Variants in TXLNG observed in about 807,000 individuals in gnomAD.
TXLNG encodes the protein gamma-taxilin.
In TXLNG, 5 loss-of-function variants were observed where a neutral mutation model predicts 38.8. The observed-to-expected ratio is 0.13, with a 90% CI of 0.07 to 0.27. The LOEUF (loss-of-function observed/expected upper bound fraction) is 0.27. TXLNG is among the 10% of genes least tolerant of loss of function. TXLNG has a pLI of 1.00. For missense variants in TXLNG, 393 were observed against 398.2 expected (o/e 0.99, Z 0.11); for synonymous variants, 182 against 158.2 (o/e 1.15, Z -1.13).
chrX:16,840,653 T>C (rs4828533), intron 9 of TXLNG: 57,930 of 121,511 alleles, frequency 0.48, 10,530 homozygotes, highest in East Asian at 0.84. Flanking sequence ...GTGCCTGTAG[T>C]CCCAGCTACC....
At chrX:16,818,964 A>T (rs1004865046) in intron 2 of TXLNG, 87 bp downstream of exon 2, 4 of 986,566 alleles carry the variant, frequency 4.1e-6, no homozygotes, top group African/African-American at 1.9e-5. Context: ...GAACACAGCC[A>T]CTTTAGAGGT....
At chrX:16,827,952 T>C in intron 3 of TXLNG, 142 bp from the exon 4 acceptor site, 1 of 484,903 alleles carries the variant, frequency 2.1e-6, no homozygotes, top group East Asian at 4.1e-5. Context: ...CAGTGTAGCA[T>C]GGCATGAAAC....
intron 1 of TXLNG, among the ~76,000 whole-genome samples, chrX:16,811,070 C>T (rs1602373260): frequency 8.9e-6 from 1 of 111,858 alleles, no homozygotes; most frequent in Non-Finnish European, 1.9e-5. Flanking sequence ...GTATGCTCCC[C>T]ATCAGTTGGC....
At chrX:16,789,985 A>T (rs1222132433) in intron 1 of TXLNG, among the ~76,000 whole-genome samples, 2 of 109,785 alleles carry the variant, frequency 1.8e-5, no homozygotes, top group Non-Finnish European at 3.8e-5. Context: ...TTTAGTAGAG[A>T]CGGGGTTTCT....
rs180815073 is a variant in TXLNG, at chrX:16,796,651, C to G, written c.102+10062C>G. Among the ~76,000 whole-genome samples the G allele has an allele frequency of 2.7e-5, 3 of 111,514 alleles. No homozygotes were observed. The East Asian group carries it at 8.5e-4, about 32-fold the overall frequency. On this transcript the variant is annotated intron_variant, in intron 1 of 9. Coordinates refer to ENST00000380122, the MANE Select transcript of TXLNG (RefSeq NM_018360.3). The stretch of plus-strand genomic sequence containing the variant: ...ACTTAACAAAAAGGGGGAAAGATGC[C>G]TATTTGTTAGGTGTAGTTGAATAAG...
chrX:16,811,466 C>T (rs370003985), intron 1 of TXLNG, among the ~76,000 whole-genome samples: 88 of 110,884 alleles, frequency 7.9e-4, no homozygotes, highest in African/African-American at 2.8e-3. Flanking sequence ...AAGCAATTCT[C>T]TGGCCTCAGC....
intron 1 of TXLNG, among the ~76,000 whole-genome samples, chrX:16,802,659 T>C (rs1454219389): frequency 9.0e-6 from 1 of 111,345 alleles, no homozygotes; most frequent in African/African-American, 3.3e-5. Flanking sequence ...GATTCTGAGC[T>C]TGCGTTAGTA....
At chrX:16,827,513 G>A (rs1929213280) in intron 3 of TXLNG, among the ~76,000 whole-genome samples, 1 of 111,678 alleles carries the variant, frequency 9.0e-6, no homozygotes, top group African/African-American at 3.3e-5. Context: ...CAGTTGAAGG[G>A]CATCATCCTT....
In TXLNG at chrX:16,841,915, G is replaced by C. The variant is rs1439246480; in HGVS notation, c.*149G>C. The C allele has an allele frequency of 3.2e-6, 2 of 632,968 alleles. No homozygotes were observed. Among genetic ancestry groups the C allele is most frequent in the Admixed American group, 7.9e-5 (2 of 25,389 alleles). The allele number at this position is 632,968 out of a possible 1,213,427, so 52.2% of individuals were successfully genotyped here. ...ACTACTGGACTTATGTGGTACAGGA[G>C]GCTGCTTAGCAGTTTTGAATAGTTT... is the stretch of plus-strand genomic sequence containing the variant. On this transcript the variant is annotated 3_prime_UTR_variant, in exon 10 of 10. Coordinates refer to ENST00000380122, the MANE Select transcript of TXLNG (RefSeq NM_018360.3).
At chrX:16,805,655 A>G (rs1928309358) in intron 1 of TXLNG, among the ~76,000 whole-genome samples, 1 of 112,197 alleles carries the variant, frequency 8.9e-6, no homozygotes, top group Non-Finnish European at 1.9e-5. Flanking sequence ...AATGTAGTAA[A>G]TTCCCATGTA....
In TXLNG at chrX:16,809,634, G is replaced by A. The variant is rs151043908; in HGVS notation, c.103-8940G>A. ...TCTAGGATTACAGGTGTGAGCCACC[G>A]CACCAGGCCAAGATATTTTCTTCCA... On this transcript the variant is annotated intron_variant, in intron 1 of 9. Coordinates refer to ENST00000380122, the MANE Select transcript of TXLNG (RefSeq NM_018360.3). 6.3e-3 allele frequency among the ~76,000 whole-genome samples: 694 copies of A among 110,539 alleles called. 7 individuals are homozygous for A. Among genetic ancestry groups the A allele is most frequent in the African/African-American group, 0.022 (667 of 30,397 alleles).
chrX:16,791,541 T>C (rs1927705236), intron 1 of TXLNG, among the ~76,000 whole-genome samples: 1 of 112,517 alleles, frequency 8.9e-6, no homozygotes, highest in Non-Finnish European at 1.9e-5. Flanking sequence ...TCATATTATG[T>C]CATATTTATT....
chrX:16,791,340 C>G (rs1297802337), intron 1 of TXLNG, among the ~76,000 whole-genome samples: 1 of 101,395 alleles, frequency 9.9e-6, no homozygotes, highest in Admixed American at 1.1e-4. Flanking sequence ...GATGAACTTC[C>G]ACTCTTCTGG....
intron 1 of TXLNG, among the ~76,000 whole-genome samples, chrX:16,802,649 G>C (rs996478237): frequency 9.0e-6 from 1 of 111,216 alleles, no homozygotes; most frequent in African/African-American, 3.3e-5. Context: ...GCTGTGTTCA[G>C]ATTCTGAGCT....
intron 1 of TXLNG, among the ~76,000 whole-genome samples, chrX:16,804,797 T>C (rs1241861616): frequency 9.2e-6 from 1 of 109,088 alleles, no homozygotes; most frequent in African/African-American, 3.3e-5. Context: ...GGATACATTA[T>C]GTAGCGGTGA....
At chrX:16,789,263 C>T (rs1374217084) in intron 1 of TXLNG, among the ~76,000 whole-genome samples, 2 of 110,446 alleles carry the variant, frequency 1.8e-5, no homozygotes, top group African/African-American at 3.3e-5. Flanking sequence ...TCACTCGCGA[C>T]CTGCTCAGTT....
chrX:16,807,265 G>A (rs1928368069), intron 1 of TXLNG, among the ~76,000 whole-genome samples: 1 of 111,831 alleles, frequency 8.9e-6, no homozygotes, highest in Middle Eastern at 4.2e-3. Flanking sequence ...GATGTTTTCT[G>A]AATGCATATT....
chrX:16,815,572 A>G (rs972472638), intron 1 of TXLNG, among the ~76,000 whole-genome samples: 2 of 110,346 alleles, frequency 1.8e-5, no homozygotes, highest in African/African-American at 6.6e-5. Context: ...CCCAGGCTGG[A>G]GTACAGTGGT....
intron 5 of TXLNG, among the ~76,000 whole-genome samples, chrX:16,830,196 A>T (rs1216458672): frequency 1.8e-5 from 2 of 108,237 alleles, no homozygotes; most frequent in Non-Finnish European, 3.8e-5. Context: ...TTTTTTTTTA[A>T]ATGAGGGCTT....
Sources: allele counts gnomAD v4.1 joint callset (sites outside exome capture counted in the v4.1 genomes callset), GRCh38; gene constraint gnomAD v4.1.1; transcripts MANE v1.5; gene names NCBI Gene and HGNC (gene_info 2026-07-23, HGNC 2026-07-21).